LDAH: variants seen among roughly 807,000 people sequenced by gnomAD.
The protein encoded by LDAH is lipid droplet-associated hydrolase.
Under a neutral mutation model 29.6 loss-of-function variants are expected in LDAH, and 26 were observed. That is an observed-to-expected ratio of 0.88 (90% CI 0.64 to 1.22). LDAH has a LOEUF of 1.22. Among genes scored for constraint, LDAH ranks in the 50% most tolerant of loss-of-function variants. LDAH has a pLI of 0.00. For synonymous variants in LDAH, 117 were observed against 133.0 expected (o/e 0.88, Z 0.83); for missense variants, 344 against 387.3 (o/e 0.89, Z 0.94).
intron 5 of LDAH, among the ~76,000 whole-genome samples, chr2:20,729,395 T>C (rs944056272): frequency 2.0e-5 from 3 of 152,252 alleles, no homozygotes; most frequent in Non-Finnish European, 4.4e-5. Context: ...TAATTTGTCA[T>C]AGCTAGACTT....
intron 5 of LDAH, among the ~76,000 whole-genome samples, chr2:20,704,503 A>G (rs1039070708): frequency 1.6e-4 from 25 of 152,270 alleles, no homozygotes; most frequent in African/African-American, 5.8e-4. Flanking sequence ...CCTGCAGAAT[A>G]TATAATGTCA....
intron 5 of LDAH, among the ~76,000 whole-genome samples, chr2:20,724,835 G>A (rs1291229437): frequency 6.6e-6 from 1 of 152,196 alleles, no homozygotes; most frequent in Non-Finnish European, 1.5e-5. Context: ...CTGTTTTGGT[G>A]GTACGTAGCC....
At chr2:20,783,427 T>G (rs1205047166) in intron 3 of LDAH, among the ~76,000 whole-genome samples, 1 of 152,240 alleles carries the variant, frequency 6.6e-6, no homozygotes, top group Admixed American at 6.5e-5. Flanking sequence ...CCACTTATAA[T>G]AGTGCAGTCT....
intron 4 of LDAH, among the ~76,000 whole-genome samples, chr2:20,746,212 T>G (rs116363767): frequency 2.6e-5 from 4 of 152,172 alleles, no homozygotes; most frequent in African/African-American, 9.7e-5. Flanking sequence ...ATGTAACCCA[T>G]AGTACATAAG....
chr2:20,774,082 G>A (rs1267738768), intron 4 of LDAH, among the ~76,000 whole-genome samples: 1 of 152,182 alleles, frequency 6.6e-6, no homozygotes, highest in Non-Finnish European at 1.5e-5. Context: ...ATATATGTTT[G>A]TTGAATAAAG....
At chr2:20,697,767 T>C (rs991748156) in intron 6 of LDAH, among the ~76,000 whole-genome samples, 1 of 152,220 alleles carries the variant, frequency 6.6e-6, no homozygotes, top group African/African-American at 2.4e-5. Context: ...GAAGGGGTTA[T>C]GTAAACTTTG....
intron 5 of LDAH, among the ~76,000 whole-genome samples, chr2:20,723,696 G>T (rs1274008759): frequency 1.3e-5 from 2 of 152,036 alleles, no homozygotes; most frequent in African/African-American, 4.8e-5. Flanking sequence ...CAACATAGTG[G>T]TCAGAAATAA....
intron 5 of LDAH, among the ~76,000 whole-genome samples, chr2:20,736,310 C>CA (rs1482691773): frequency 2.6e-5 from 4 of 152,034 alleles, no homozygotes; most frequent in African/African-American, 9.7e-5. Flanking sequence ...GGAGTCGTGG[C>CA]AGGCACCTGT....
intron 3 of LDAH, among the ~76,000 whole-genome samples, chr2:20,777,558 A>G (rs1669908403): frequency 1.3e-5 from 2 of 152,036 alleles, no homozygotes; most frequent in South Asian, 4.2e-4. Flanking sequence ...AGCTGGGATT[A>G]CAGGCGTGCA....
At chr2:20,688,905 A>G (rs1471601430) in intron 6 of LDAH, among the ~76,000 whole-genome samples, 2 of 142,224 alleles carry the variant, frequency 1.4e-5, no homozygotes, top group East Asian at 4.2e-4. Context: ...TTTGTTACAT[A>G]GGTATACACG....
intron 1 of LDAH, among the ~76,000 whole-genome samples, chr2:20,815,286 A>T (rs1289790708): frequency 6.6e-6 from 1 of 152,120 alleles, no homozygotes; most frequent in Non-Finnish European, 1.5e-5. Flanking sequence ...GGCATCAGGG[A>T]CTTGTAGGAC....
intron 4 of LDAH, among the ~76,000 whole-genome samples, chr2:20,749,181 T>G (rs1050997088): frequency 1.3e-5 from 2 of 151,976 alleles, no homozygotes; most frequent in Non-Finnish European, 2.9e-5. Context: ...TTTAGAGAGG[T>G]ATCAGGACAT....
chr2:20,688,297 G>A (rs1432807575), intron 6 of LDAH, among the ~76,000 whole-genome samples: 3 of 152,154 alleles, frequency 2.0e-5, no homozygotes, highest in East Asian at 1.9e-4. Flanking sequence ...GCAAACCAAA[G>A]CTTGAAAGAG....
At chr2:20,818,106 G>A (rs1285575940) in intron 1 of LDAH, among the ~76,000 whole-genome samples, 1 of 152,096 alleles carries the variant, frequency 6.6e-6, no homozygotes, top group African/African-American at 2.4e-5. Context: ...TAAAGTTGGT[G>A]AAATGGAAAT....
At chr2:20,700,062 G>A (rs943924813) in intron 6 of LDAH, among the ~76,000 whole-genome samples, 2 of 152,232 alleles carry the variant, frequency 1.3e-5, no homozygotes, top group African/African-American at 4.8e-5. Flanking sequence ...TTAACTGAGA[G>A]TTGAGCTGTT....
intron 6 of LDAH, among the ~76,000 whole-genome samples, chr2:20,689,866 T>C (rs1169528214): frequency 6.6e-6 from 1 of 152,180 alleles, no homozygotes; most frequent in Admixed American, 6.5e-5. Flanking sequence ...AGAAAGCTAC[T>C]CTAGGACCCT....
At position 20,698,416 on chromosome 2, in the gene LDAH, G is replaced by A. The variant is rs1257103400; in HGVS notation, c.786+3154C>T. On this transcript the variant is annotated intron_variant, in intron 6 of 6. Coordinates refer to ENST00000237822, the MANE Select transcript of LDAH (RefSeq NM_021925.4). The surrounding 1 kb of genome is among the most constrained non-coding windows in gnomAD (Gnocchi z 4.4). ...TGACAAAATAACCTATAGGCCGGGC[G>A]CAGTGGCTCATGCCTGTAATCCCAG... Among the ~76,000 whole-genome samples the A allele has an allele frequency of 3.9e-5, 6 of 152,178 alleles. No individual in the cohort carries two copies. Among genetic ancestry groups the A allele is most frequent in the Non-Finnish European group, 8.8e-5 (6 of 68,030 alleles).
chr2:20,787,450 C>T (rs1420868535), intron 3 of LDAH, among the ~76,000 whole-genome samples: 2 of 152,142 alleles, frequency 1.3e-5, no homozygotes, highest in African/African-American at 2.4e-5. Flanking sequence ...AGCACCACCA[C>T]GCCTGGCTAA....
chr2:20,739,044 A>G lies in LDAH; in HGVS notation c.703+927T>C, dbSNP rs370346649. On this transcript the variant is annotated intron_variant, in intron 5 of 6. Coordinates refer to ENST00000237822, the MANE Select transcript of LDAH (RefSeq NM_021925.4). The stretch of plus-strand genomic sequence containing the variant: ...ACAGTGGCAGAATGCCTGGGTTTCA[A>G]CACTACATACTAGTTGTATAACTTT... 1.1e-4 allele frequency among the ~76,000 whole-genome samples: 16 copies of G among 152,372 alleles called. No homozygotes were observed. The East Asian group carries it at 2.3e-3, about 22-fold the overall frequency.
Sources: gnomAD v4.1 joint callset for allele counts (sites outside exome capture counted in the v4.1 genomes callset) on GRCh38, gnomAD v4.1.1 for gene constraint, Gnocchi (gnomAD v3.1) non-coding constraint, MANE v1.5 for transcripts, NCBI Gene and HGNC (gene_info 2026-07-23, HGNC 2026-07-21) for gene names.